Variants in RPH3AL observed in about 807,000 individuals in gnomAD.
RPH3AL encodes the protein rabphilin 3A like (without C2 domains).
A neutral mutation model predicts 43.1 loss-of-function variants in RPH3AL; 38 were observed. That is an observed-to-expected ratio of 0.88 (90% CI 0.68 to 1.15). The LOEUF (loss-of-function observed/expected upper bound fraction) is 1.15, where lower values mean the gene tolerates loss of function less well. Ranked by LOEUF, RPH3AL falls within the 50% of genes most tolerant of loss-of-function variation. The probability of loss-of-function intolerance (pLI) is 0.00; values close to 1 mark genes in which losing one functional copy is unlikely to be tolerated. For missense variants in RPH3AL, 462 were observed against 423.2 expected (o/e 1.09, Z -0.81); for synonymous variants, 189 against 176.3 (o/e 1.07, Z -0.57).
intron 6 of RPH3AL, among the ~76,000 whole-genome samples, chr17:248,941 G>T (rs1316177739): frequency 6.6e-6 from 1 of 152,180 alleles, no homozygotes; most frequent in Non-Finnish European, 1.5e-5. Flanking sequence ...AAGCAACCGA[G>T]GCTGAGGGAG....
At chr17:319,636 G>A in intron 4 of RPH3AL, 87 bp from the exon 5 acceptor site, 2 of 1,509,588 alleles carry the variant, frequency 1.3e-6, no homozygotes, top group East Asian at 2.3e-5. Context: ...CATGCCACAT[G>A]TGCTGTCCCC....
chr17:268,708 T>C (rs905325635), intron 6 of RPH3AL, among the ~76,000 whole-genome samples: 4 of 150,596 alleles, frequency 2.7e-5, no homozygotes, highest in African/African-American at 9.8e-5. Context: ...CCACTAGACA[T>C]GCCCCCACTA....
intron 5 of RPH3AL, among the ~76,000 whole-genome samples, chr17:314,026 C>T (rs371152585): frequency 6.6e-6 from 1 of 152,206 alleles, no homozygotes; most frequent in Non-Finnish European, 1.5e-5. Flanking sequence ...ACGCCCGGAC[C>T]AGCCCACAGC....
chr17:289,761 C>T lies in RPH3AL; in HGVS notation c.352-7907G>A, dbSNP rs373039134. ...GTCCTTCTGCCACAGGACCTTTGCA[C>T]GTGTTGCCCCCTCTGTGTGGCCACG... On this transcript the variant is annotated intron_variant, in intron 5 of 9. Transcript: ENST00000331302. This position sits in a 1 kb window ranked among gnomAD's most constrained non-coding sequence, Gnocchi z 5.2. 2.5e-3 allele frequency among the ~76,000 whole-genome samples: 376 copies of T among 152,348 alleles called. 6 individuals are homozygous for T. Among genetic ancestry groups the T allele is most frequent in the Middle Eastern group, 6.8e-3 (2 of 294 alleles).
rs779913828 is a variant in RPH3AL, at chr17:327,505, C to G, written c.39G>C (p.Trp13Cys). ...CAAGCTGCCGGTCATTGGGGCAAAC[C>G]CACTGATCATTCCCGCTGCCGAAGA... ...DTIFGSGNDQWVCPNDRQLAL... is the reference protein window; with the variant it reads ...DTIFGSGNDQCVCPNDRQLAL... The change falls in exon 3 of 10, where the codon TGG becomes TGC. Residue 13 changes from tryptophan (W) to cysteine (C), a missense_variant. Transcript: ENST00000331302. 1 of 1,613,984 alleles carries G rather than the reference C, an allele frequency of 6.2e-7. No individual in the cohort carries two copies. The highest frequency in any genetic ancestry group is 2.2e-5 in the East Asian group (1 of 44,886).
chr17:275,672 T>C (rs1410611145), intron 6 of RPH3AL, among the ~76,000 whole-genome samples: 1 of 152,192 alleles, frequency 6.6e-6, no homozygotes, highest in Non-Finnish European at 1.5e-5. Flanking sequence ...CTCAGCCTCC[T>C]GATAGCTGAG....
intron 1 of RPH3AL, chr17:349,017 T>A (rs2045303569): frequency 6.6e-6 from 1 of 152,030 alleles, no homozygotes; most frequent in Non-Finnish European, 1.5e-5. Context: ...GCGGCTCCAA[T>A]AAATGCTGAG....
chr17:261,428 C>T (rs1180700869), intron 6 of RPH3AL, among the ~76,000 whole-genome samples: 8 of 152,274 alleles, frequency 5.3e-5, no homozygotes, highest in South Asian at 2.1e-4. Context: ...ACCAGGGATC[C>T]GAATTCACCA....
chr17:252,535 G>A (rs1159548205), intron 6 of RPH3AL, among the ~76,000 whole-genome samples: 4 of 152,166 alleles, frequency 2.6e-5, no homozygotes, highest in South Asian at 4.1e-4. Flanking sequence ...CAGTCGTTCC[G>A]AACTCATAAC....
intron 1 of RPH3AL, among the ~76,000 whole-genome samples, chr17:350,322 C>G (rs1178566525): frequency 2.6e-5 from 4 of 152,050 alleles, no homozygotes; most frequent in African/African-American, 9.7e-5. Flanking sequence ...ACTAAAAATA[C>G]AAAAATTATC....
At chr17:250,810 C>A (rs375713735) in intron 6 of RPH3AL, among the ~76,000 whole-genome samples, 1 of 150,706 alleles carries the variant, frequency 6.6e-6, no homozygotes, top group African/African-American at 2.4e-5. Flanking sequence ...TCCATCACTG[C>A]GGGACCTCTC....
rs1367348019 is a variant in RPH3AL, at chr17:274,155, G to A, written c.438+7613C>T. On this transcript the variant is annotated intron_variant, in intron 6 of 9. Coordinates refer to ENST00000331302, the MANE Select transcript of RPH3AL (RefSeq NM_006987.4). The surrounding 1 kb of genome is among the most constrained non-coding windows in gnomAD (Gnocchi z 4.7). ...TCTGGTTTGCAACATCCTGTGCTTA[G>A]AAGCCGCCAGGGCCGTTCCTCCCAG... 1.3e-5 allele frequency among the ~76,000 whole-genome samples: 2 copies of A among 152,238 alleles called. No homozygotes were observed. The highest frequency in any genetic ancestry group is 2.4e-5 in the African/African-American group (1 of 41,474).
chr17:314,900 T>A (rs2043870831), intron 5 of RPH3AL, among the ~76,000 whole-genome samples: 3 of 140,778 alleles, frequency 2.1e-5, no homozygotes, highest in African/African-American at 8.7e-5. Context: ...GTGCTCCACC[T>A]CCATTGACCA....
intron 7 of RPH3AL, among the ~76,000 whole-genome samples, chr17:231,286 T>A (rs1296484667): frequency 6.6e-6 from 1 of 152,118 alleles, no homozygotes; most frequent in African/African-American, 2.4e-5. Context: ...GCCCATGGGG[T>A]CTGTGGTCAG....
chr17:247,100 A>G lies in RPH3AL; in HGVS notation c.613+11T>C, dbSNP rs892217302. The stretch of plus-strand genomic sequence containing the variant: ...ACAGGCCATCCTGGGAGAGAGGCAG[A>G]GGGGACTTACCTCTTCCTCGGGCCC... On this transcript the variant is annotated intron_variant, in intron 7 of 9. Transcript: ENST00000331302. 6.2e-7 allele frequency: 1 copy of G among 1,614,046 alleles called. No individual in the cohort carries two copies. The highest frequency in any genetic ancestry group is 1.3e-5 in the African/African-American group (1 of 75,046).
At chr17:237,388 G>A (rs35315427) in intron 7 of RPH3AL, among the ~76,000 whole-genome samples, 29,082 of 152,154 alleles carry the variant, frequency 0.19, 2,836 homozygotes, top group Non-Finnish European at 0.2. Context: ...GGGAACCGGT[G>A]TGTCACCCCG....
intron 7 of RPH3AL, among the ~76,000 whole-genome samples, chr17:223,549 CAA>C (rs770757836): frequency 6.5e-4 from 99 of 152,322 alleles, no homozygotes; most frequent in Non-Finnish European, 8.2e-4. Flanking sequence ...AGACTGGAAA[CAA>C]AATCCGTCTA....
At chr17:313,301 C>T (rs1009218011) in intron 5 of RPH3AL, among the ~76,000 whole-genome samples, 10 of 152,182 alleles carry the variant, frequency 6.6e-5, no homozygotes, top group African/African-American at 2.2e-4. Flanking sequence ...CAGATCACAC[C>T]CCTGCTCAAA....
chr17:350,775 C>T (rs999858212), intron 1 of RPH3AL, among the ~76,000 whole-genome samples: 10 of 152,178 alleles, frequency 6.6e-5, no homozygotes, highest in African/African-American at 1.2e-4. Flanking sequence ...ACCCTCTGAC[C>T]GCAGGCCCTG....
Sources: gnomAD v4.1 joint callset for allele counts (sites outside exome capture counted in the v4.1 genomes callset) on GRCh38, gnomAD v4.1.1 for gene constraint, Gnocchi (gnomAD v3.1) non-coding constraint, MANE v1.5 for transcripts, NCBI Gene and HGNC (gene_info 2026-07-23, HGNC 2026-07-21) for gene names.